Variants in ZNF680 observed in about 807,000 individuals in gnomAD.
ZNF680 encodes the protein hypothetical protein FLJ90430.
ZNF680 carries 6 observed loss-of-function variants against 12.1 expected under a neutral mutation model. The observed-to-expected ratio is 0.49, with a 90% CI of 0.27 to 0.98. ZNF680 has a LOEUF of 0.98. Ranked by LOEUF, ZNF680 falls within the 50% of genes least tolerant of loss-of-function variation. The pLI is 0.12. For missense variants in ZNF680, 561 were observed against 616.3 expected (o/e 0.91, Z 0.95); for synonymous variants, 170 against 199.3 (o/e 0.85, Z 1.24).
chr7:64,552,208 C>G (rs1275968462), intron 1 of ZNF680: 1 of 152,174 alleles, frequency 6.6e-6, no homozygotes, highest in Non-Finnish European at 1.5e-5. Flanking sequence ...CACCTGCCAC[C>G]ATATCCAGCT....
chr7:64,532,487 C>T (rs1329339691), intron 3 of ZNF680, among the ~76,000 whole-genome samples: 2 of 151,918 alleles, frequency 1.3e-5, no homozygotes, highest in Non-Finnish European at 2.9e-5. Context: ...TAAAACCCTC[C>T]TACCCTGAAC....
the ZNF680 span, among the ~76,000 whole-genome samples, chr7:64,509,038 C>T: frequency 6.6e-6 from 1 of 152,130 alleles, no homozygotes; most frequent in Non-Finnish European, 1.5e-5. Context: ...ATACCCTCCC[C>T]CTCTCCATTT....
At chr7:64,551,519 C>G (rs556971392) in intron 1 of ZNF680, 1 of 161,472 alleles carries the variant, frequency 6.2e-6, no homozygotes, top group East Asian at 1.9e-4. Context: ...GCCTGAGCTG[C>G]AGGAGGAGAG....
At chr7:64,555,464 A>G (rs1035097244) in intron 1 of ZNF680, among the ~76,000 whole-genome samples, 4 of 152,162 alleles carry the variant, frequency 2.6e-5, no homozygotes, top group Non-Finnish European at 5.9e-5. Context: ...AAAAATGAGA[A>G]CAAAGATACA....
the ZNF680 span, among the ~76,000 whole-genome samples, chr7:64,510,564 G>T: frequency 6.6e-6 from 1 of 151,918 alleles, no homozygotes; most frequent in Non-Finnish European, 1.5e-5. Flanking sequence ...CCCAACTGAG[G>T]GGGTCTTTCA....
chr7:64,517,448 G>A (rs954633502), downstream of ZNF680, among the ~76,000 whole-genome samples: 57 of 151,982 alleles, frequency 3.8e-4, no homozygotes, highest in African/African-American at 1.0e-3. Flanking sequence ...GATTAAAATC[G>A]TAATTTAAAA....
chr7:64,501,360 G>A, the ZNF680 span: 21 of 1,225,412 alleles, frequency 1.7e-5, no homozygotes, highest in Non-Finnish European at 2.3e-5. Flanking sequence ...GTGGACAGCA[G>A]GGATCTTCCA....
rs919673628 is a variant in ZNF680 at position 64,520,251 on chromosome 7, T to C, written c.*910A>G. On this transcript the variant is annotated 3_prime_UTR_variant, in exon 4 of 4. Transcript: ENST00000309683. ...ACAATTTATCACATGCTTTCACATG[T>C]GAATACAATAGGAATGAAATAAAGT... 1.6e-4 allele frequency: 25 copies of C among 151,902 alleles called. No homozygotes were observed. Among genetic ancestry groups the C allele is most frequent in the African/African-American group, 5.8e-4 (24 of 41,542 alleles). The allele number at this position is 151,902 out of a possible 1,614,324, so 9.4% of individuals were successfully genotyped here.
At position 64,530,569 on chromosome 7, in the gene ZNF680, G is replaced by A. The variant is rs185483190; in HGVS notation, c.254-8069C>T. 2.6e-3 allele frequency among the ~76,000 whole-genome samples: 394 copies of A among 152,086 alleles called. 1 individual carries two copies. The highest frequency in any genetic ancestry group is 4.7e-3 in the Non-Finnish European group (319 of 67,976). On this transcript the variant is annotated intron_variant, in intron 3 of 3. Coordinates refer to ENST00000309683, the MANE Select transcript of ZNF680 (RefSeq NM_178558.5). ...AGCTGCAGTTTAAAAAGACAAAGAG[G>A]GACATTATAGAACAATAAAAGGCCT...
chr7:64,530,921 G>A (rs1256464044), intron 3 of ZNF680, among the ~76,000 whole-genome samples: 1 of 150,676 alleles, frequency 6.6e-6, no homozygotes, highest in Admixed American at 6.6e-5. Context: ...AAAAGGCCTT[G>A]TCCAACAGAA....
chr7:64,514,594 CATATTT>C, the ZNF680 span, among the ~76,000 whole-genome samples: 1 of 151,982 alleles, frequency 6.6e-6, no homozygotes, highest in Non-Finnish European at 1.5e-5. Flanking sequence ...AATAAAAACT[CATATTT>C]ATAAATGTCA....
chr7:64,525,397 G>T (rs1422839703), intron 3 of ZNF680: 1 of 151,900 alleles, frequency 6.6e-6, no homozygotes, highest in East Asian at 1.9e-4. Context: ...TTAAAAAGCA[G>T]AAAATATTCT....
At chr7:64,542,379 A>G (rs1400531253) in intron 3 of ZNF680, among the ~76,000 whole-genome samples, 2 of 152,246 alleles carry the variant, frequency 1.3e-5, no homozygotes, top group African/African-American at 4.8e-5. Context: ...CAGAAAAATT[A>G]GTCAAAAAAA....
At chr7:64,526,585 GCAT>G (rs1791859797) in intron 3 of ZNF680, 1 of 386,050 alleles carries the variant, frequency 2.6e-6, no homozygotes, top group Non-Finnish European at 4.6e-6. Flanking sequence ...ATGCTGGACA[GCAT>G]CATAAAACTA....
intron 3 of ZNF680, among the ~76,000 whole-genome samples, chr7:64,527,776 C>G (rs1791948785): frequency 6.6e-6 from 1 of 152,066 alleles, no homozygotes; most frequent in South Asian, 2.1e-4. Flanking sequence ...GAGGACAAAT[C>G]TGGGGGCATC....
At chr7:64,538,225 A>G (rs1562756156) in intron 3 of ZNF680, among the ~76,000 whole-genome samples, 3 of 152,114 alleles carry the variant, frequency 2.0e-5, no homozygotes, top group Admixed American at 6.5e-5. Context: ...ATTTTCTTAG[A>G]TACAACATTA....
At chr7:64,528,237 C>T (rs1388381573) in intron 3 of ZNF680, among the ~76,000 whole-genome samples, 1 of 152,134 alleles carries the variant, frequency 6.6e-6, no homozygotes, top group African/African-American at 2.4e-5. Flanking sequence ...GAGAAAAACA[C>T]CACAGGGAGA....
At chr7:64,515,352 T>C (rs942803909), downstream of ZNF680, among the ~76,000 whole-genome samples, 6 of 151,074 alleles carry the variant, frequency 4.0e-5, 1 homozygote, top group African/African-American at 1.5e-4. Context: ...CCCTAAAAAA[T>C]CCTAGCTACT....
intron 3 of ZNF680, among the ~76,000 whole-genome samples, chr7:64,523,684 C>A (rs577212079): frequency 1.3e-5 from 2 of 151,940 alleles, no homozygotes; most frequent in African/African-American, 4.8e-5. Context: ...GAGGCCGAGG[C>A]GGGCGGATCA....
Sources: gnomAD v4.1 joint callset for allele counts (sites outside exome capture counted in the v4.1 genomes callset) on GRCh38, gnomAD v4.1.1 for gene constraint, MANE v1.5 for transcripts, NCBI Gene and HGNC (gene_info 2026-07-23, HGNC 2026-07-21) for gene names.